The following PLEKHD1 variants were observed in gnomAD, a reference collection of about 807,000 sequenced individuals.
The protein encoded by PLEKHD1 is pleckstrin homology domain-containing family D member 1.
PLEKHD1 carries 51 observed loss-of-function variants against 69.2 expected under a neutral mutation model. The observed-to-expected ratio is 0.74, with a 90% CI of 0.59 to 0.93. The LOEUF (loss-of-function observed/expected upper bound fraction) is 0.93. PLEKHD1 is among the 40% of genes least tolerant of loss of function. The pLI, the probability that PLEKHD1 is intolerant of heterozygous loss-of-function variation, is 0.00. For synonymous variants in PLEKHD1, 236 were observed against 244.7 expected, an observed-to-expected ratio of 0.96 and a Z score of 0.33; for missense variants, 584 against 641.0, an observed-to-expected ratio of 0.91 and a Z score of 0.96.
At chr14:69,492,473 G>A (rs1233716491) in intron 1 of PLEKHD1, among the ~76,000 whole-genome samples, 1 of 152,196 alleles carries the variant, frequency 6.6e-6, no homozygotes, top group Non-Finnish European at 1.5e-5. Flanking sequence ...GTGTTGTAAA[G>A]TTACAGTGTA....
intron 8 of PLEKHD1, 88 bp from the exon 9 acceptor site, chr14:69,525,856 C>A: frequency 7.9e-7 from 1 of 1,273,716 alleles, no homozygotes; most frequent in Non-Finnish European, 1.1e-6. Context: ...AGGAGTGGGT[C>A]ACTCCCCCAA....
intron 5 of PLEKHD1, 175 bp from the exon 6 acceptor site, chr14:69,502,652 G>C (rs1448435192): frequency 3.0e-6 from 2 of 671,318 alleles, no homozygotes; most frequent in South Asian, 3.7e-5. Context: ...GGGGGAAGGA[G>C]GGTGGCAGCT....
At chr14:69,473,170 T>C in the PLEKHD1 span, among the ~76,000 whole-genome samples, 4 of 152,284 alleles carry the variant, frequency 2.6e-5, no homozygotes, top group Non-Finnish European at 5.9e-5. Context: ...GTATTGCACT[T>C]AAATCATCCT....
chr14:69,475,144 A>C, the PLEKHD1 span, among the ~76,000 whole-genome samples: 3 of 152,226 alleles, frequency 2.0e-5, no homozygotes, highest in African/African-American at 7.2e-5. Flanking sequence ...TGAACTGCTA[A>C]TTCTGTTCTA....
At chr14:69,483,207 G>A (rs1172317993), upstream of PLEKHD1, among the ~76,000 whole-genome samples, 3 of 152,110 alleles carry the variant, frequency 2.0e-5, no homozygotes, top group Non-Finnish European at 2.9e-5. Flanking sequence ...TGAGCAACAA[G>A]GGGATGCTGT....
intron 6 of PLEKHD1, among the ~76,000 whole-genome samples, chr14:69,518,933 A>G (rs1381612959): frequency 6.6e-6 from 1 of 151,944 alleles, no homozygotes; most frequent in Non-Finnish European, 1.5e-5. Flanking sequence ...TTGTTTTGCT[A>G]AGAGCTGTTC....
chr14:69,490,639 A>T (rs1028074777), intron 1 of PLEKHD1, among the ~76,000 whole-genome samples: 4 of 152,162 alleles, frequency 2.6e-5, no homozygotes, highest in African/African-American at 7.2e-5. Context: ...GTCATGACTC[A>T]TGCATTTCAC....
chr14:69,500,008 C>A, intron 1 of PLEKHD1, 107 bp from the exon 2 acceptor site: 1 of 725,534 alleles, frequency 1.4e-6, no homozygotes, highest in South Asian at 1.8e-5. Flanking sequence ...GCTGGTGTCC[C>A]TGTGGGCTCC....
chr14:69,483,510 T>G (rs1000225094), upstream of PLEKHD1, among the ~76,000 whole-genome samples: 18 of 152,290 alleles, frequency 1.2e-4, no homozygotes, highest in African/African-American at 4.3e-4. Context: ...ATGAAGAAAC[T>G]TTCTGCAGGT....
At chr14:69,526,201 TG>T in intron 9 of PLEKHD1, 79 bp downstream of exon 9, 2 of 1,423,562 alleles carry the variant, frequency 1.4e-6, no homozygotes, top group Non-Finnish European at 1.9e-6. Flanking sequence ...TCCAGACTCT[TG>T]GGTTCTACTT....
At position 69,528,464 on chromosome 14, in the gene PLEKHD1, G is replaced by A. The variant is rs1279317483; in HGVS notation, c.*45G>A. 2 of 1,533,248 alleles carry A rather than the reference G, an allele frequency of 1.3e-6. No individual in the cohort carries two copies. The highest frequency in any genetic ancestry group is 2.4e-5 in the South Asian group (2 of 82,348). 95.0% of individuals were successfully genotyped at this position (1,533,248 alleles called of 1,614,324 possible). Reference sequence around the variant, plus strand: ...TCCCAAGTCTCCCCTGGATGGGCGGGGGAGGGGAAGGGGTGGCAGAGGGAG... The same window carrying A: ...TCCCAAGTCTCCCCTGGATGGGCGGAGGAGGGGAAGGGGTGGCAGAGGGAG... On this transcript the variant is annotated 3_prime_UTR_variant, in exon 13 of 13. Coordinates refer to ENST00000322564, the MANE Select transcript of PLEKHD1 (RefSeq NM_001161498.2).
At chr14:69,500,824 C>T in intron 3 of PLEKHD1, 47 bp from the exon 4 acceptor site, 1 of 1,548,348 alleles carries the variant, frequency 6.5e-7, no homozygotes, top group Non-Finnish European at 8.7e-7. Flanking sequence ...CCATCACCCT[C>T]AGCGTGGCTG....
upstream of PLEKHD1, chr14:69,484,705 C>T (rs556053384): frequency 4.7e-4 from 189 of 403,918 alleles, 6 homozygotes; most frequent in South Asian, 9.0e-3. Context: ...GCTGCCGGCC[C>T]GAGGCTGAGC....
intron 8 of PLEKHD1, among the ~76,000 whole-genome samples, chr14:69,525,017 C>T (rs1415261033): frequency 6.6e-6 from 1 of 152,100 alleles, no homozygotes; most frequent in Non-Finnish European, 1.5e-5. Context: ...CTTTTCTCTG[C>T]TTGGAGAACT....
rs377125707 is a variant in PLEKHD1, at chr14:69,487,383, C to T, written c.149+2269C>T. 3.3e-5 allele frequency among the ~76,000 whole-genome samples: 5 copies of T among 152,206 alleles called. No individual in the cohort carries two copies. The East Asian group carries it at 9.6e-4, about 29-fold the overall frequency. The stretch of plus-strand genomic sequence containing the variant: ...GTCTGTGGGCTCAGCTAATTAGCAG[C>T]CACAGGAAGACTTGGGGACAGAGCA... On this transcript the variant is annotated intron_variant, in intron 1 of 12. Coordinates refer to ENST00000322564, the MANE Select transcript of PLEKHD1 (RefSeq NM_001161498.2).
At chr14:69,511,401 AC>A (rs1247200359) in intron 6 of PLEKHD1, among the ~76,000 whole-genome samples, 1 of 151,934 alleles carries the variant, frequency 6.6e-6, no homozygotes, top group East Asian at 1.9e-4. Context: ...CAGATAATCC[AC>A]CTGCCTCCGC....
chr14:69,472,067 C>A, the PLEKHD1 span, among the ~76,000 whole-genome samples: 1 of 152,256 alleles, frequency 6.6e-6, no homozygotes, highest in East Asian at 1.9e-4. Flanking sequence ...CACTCAACGA[C>A]CCGTGCTGAG....
Position 69,484,900 on chromosome 14 carries a change from C to A in PLEKHD1, c.-66C>A. 6.6e-7 allele frequency: 1 copy of A among 1,519,852 alleles called. No individual in the cohort carries two copies. The highest frequency in any genetic ancestry group is 8.9e-7 in the Non-Finnish European group (1 of 1,127,624). 94.1% of individuals were successfully genotyped at this position (1,519,852 alleles called of 1,614,324 possible). On this transcript the variant is annotated 5_prime_UTR_variant, in exon 1 of 13. An upstream open reading frame in the 5' UTR gains an earlier in-frame stop. Coordinates refer to ENST00000322564, the MANE Select transcript of PLEKHD1 (RefSeq NM_001161498.2). ...CTCCGACGGCTCCGCCCTCGCCTCT[C>A]GCCCCGAGTCCCTGCTGACCCCGGG...
Position 69,526,694 on chromosome 14 carries a change from C to CATGT in PLEKHD1, c.924-2_924-1insTGTA, listed in dbSNP as rs902645576. On this transcript the variant is annotated splice_polypyrimidine_tract_variant and splice_region_variant and intron_variant, in intron 9 of 12. Transcript: ENST00000322564. ...TGAGAAAGTGCCTCTTCTGTCCCTA[C>CATGT]AGGATGAAGGAGAACGAGGAGCGCT... 1 of 1,516,846 alleles carries CATGT rather than the reference C, an allele frequency of 6.6e-7. No individual in the cohort carries two copies. The allele number at this position is 1,516,846 out of a possible 1,614,324, so 94.0% of individuals were successfully genotyped here.
Sources: gnomAD v4.1 joint callset for allele counts (sites outside exome capture counted in the v4.1 genomes callset) on GRCh38, gnomAD v4.1.1 for gene constraint, MANE v1.5 for transcripts, NCBI Gene and HGNC (gene_info 2026-07-23, HGNC 2026-07-21) for gene names.